Variants in EBF1 observed in about 807,000 individuals in gnomAD.
EBF1 encodes the protein EBF transcription factor 1, also known as transcription factor COE1.
Under a neutral mutation model 68.4 loss-of-function variants are expected in EBF1, and 10 were observed. The ratio of observed to expected loss-of-function variants is 0.15; its 90% confidence interval spans 0.09 to 0.25. The LOEUF is 0.25. EBF1 is among the 10% of genes least tolerant of loss of function. The probability of loss-of-function intolerance (pLI) is 1.00; values close to 1 mark genes in which losing one functional copy is unlikely to be tolerated. For synonymous variants in EBF1, 298 were observed against 299.8 expected, an observed-to-expected ratio of 0.99 and a Z score of 0.06; for missense variants, 509 against 794.4, an observed-to-expected ratio of 0.64 and a Z score of 4.32.
chr5:158,924,166 A>G (rs1481907926), intron 6 of EBF1, among the ~76,000 whole-genome samples: 2 of 152,226 alleles, frequency 1.3e-5, no homozygotes, highest in Non-Finnish European at 2.9e-5. Flanking sequence ...GCTCTGCCCC[A>G]TGATGGGTAA....
At chr5:158,791,520 A>G (rs1778600932) in intron 9 of EBF1, among the ~76,000 whole-genome samples, 1 of 151,934 alleles carries the variant, frequency 6.6e-6, no homozygotes, top group African/African-American at 2.4e-5. Flanking sequence ...ACCCCATGCA[A>G]TCTCAACCCT....
At position 158,712,979 on chromosome 5, in the gene EBF1, T is replaced by C; in HGVS notation, c.1360A>G (p.Thr454Ala). ...AAAGCAAGCTTCTGACCCTGATTGG[T>C]GGCTTGTGATGCCTCGGAGACATTC... is the stretch of plus-strand genomic sequence containing the variant. Reference protein sequence around the residue: ...AVNVSEASQATNQGFTRNSSS... With the variant: ...AVNVSEASQAANQGFTRNSSS... The change falls in exon 13 of 16, where the codon ACC becomes GCC. Residue 454 changes from threonine (T) to alanine (A), a missense_variant. Thr to Ala is a moderately conservative substitution (Grantham distance 58). Transcript: ENST00000313708. 1 of 1,486,834 alleles carries C rather than the reference T, an allele frequency of 6.7e-7. No homozygotes were observed. The highest frequency in any genetic ancestry group is 9.0e-7 in the Non-Finnish European group (1 of 1,108,512). 92.1% of individuals were successfully genotyped at this position (1,486,834 alleles called of 1,614,324 possible).
At chr5:158,752,385 T>C (rs567798568) in intron 10 of EBF1, among the ~76,000 whole-genome samples, 2 of 149,720 alleles carry the variant, frequency 1.3e-5, no homozygotes, top group Non-Finnish European at 3.0e-5. Flanking sequence ...GATCCATTTC[T>C]TAGGAAATCT....
In EBF1 at chr5:158,698,155, T is replaced by C. The variant is rs549488450; in HGVS notation, c.*956A>G. Reference sequence around the variant, plus strand: ...CATTTAGGACGAGTAAACTTTAAACTTGCAAATGGGGGAGCGTACGTGAGG... The same window carrying C: ...CATTTAGGACGAGTAAACTTTAAACCTGCAAATGGGGGAGCGTACGTGAGG... On this transcript the variant is annotated 3_prime_UTR_variant, in exon 16 of 16. Transcript: ENST00000313708. The C allele has an allele frequency of 4.5e-6, 1 of 220,618 alleles. No homozygotes were observed. The highest frequency in any genetic ancestry group is 2.2e-5 in the African/African-American group (1 of 44,624). The allele number at this position is 220,618 out of a possible 1,614,324, so 13.7% of individuals were successfully genotyped here.
At chr5:158,888,297 G>A (rs1308274795) in intron 6 of EBF1, among the ~76,000 whole-genome samples, 1 of 151,988 alleles carries the variant, frequency 6.6e-6, no homozygotes. Context: ...TTTGTTGTGT[G>A]TATATTGTGG....
intron 5 of EBF1, 180 bp from the exon 6 acceptor site, chr5:159,073,644 A>AG (rs1053552543): frequency 1.6e-5 from 10 of 613,156 alleles, no homozygotes; most frequent in Middle Eastern, 6.9e-4. Context: ...GTTAATGGCC[A>AG]GGCTTAACCT....
intron 6 of EBF1, among the ~76,000 whole-genome samples, chr5:158,931,146 C>G (rs1462813018): frequency 2.0e-5 from 3 of 152,230 alleles, no homozygotes; most frequent in Non-Finnish European, 2.9e-5. Context: ...AATTATTTCC[C>G]ACTAAGCTGC....
At chr5:158,810,828 G>A (rs987376993) in intron 8 of EBF1, among the ~76,000 whole-genome samples, 8 of 151,998 alleles carry the variant, frequency 5.3e-5, no homozygotes, top group African/African-American at 1.7e-4. Flanking sequence ...TTTGTGTTTC[G>A]CTTTTCTTAT....
intron 10 of EBF1, among the ~76,000 whole-genome samples, chr5:158,776,695 A>C (rs1775342505): frequency 6.6e-6 from 1 of 152,168 alleles, no homozygotes; most frequent in South Asian, 2.1e-4. Context: ...TGCTTAAGAA[A>C]CAGGATCTCA....
At chr5:158,892,524 A>C (rs961835142) in intron 6 of EBF1, among the ~76,000 whole-genome samples, 10 of 152,176 alleles carry the variant, frequency 6.6e-5, no homozygotes, top group Admixed American at 3.3e-4. Flanking sequence ...ATATGAGCTT[A>C]AGTGCCAACA....
At position 158,709,055 on chromosome 5, in the gene EBF1, C is replaced by T. The variant is rs574495845; in HGVS notation, c.1550-882G>A. On this transcript the variant is annotated intron_variant, in intron 14 of 15. Coordinates refer to ENST00000313708, the MANE Select transcript of EBF1 (RefSeq NM_024007.5). ...GACCATGATCCTCTTGGCCTGGCCT[C>T]TCATCTTTTGTTCCAGGTTAATAAT... Among the ~76,000 whole-genome samples, 15 of 152,260 alleles carry T rather than the reference C, an allele frequency of 9.9e-5. No homozygotes were observed. In the South Asian group the frequency reaches 2.7e-3, roughly 27 times the overall value.
rs144663267 is a variant in EBF1 at position 158,823,286 on chromosome 5, C to T, written c.668G>A (p.Gly223Asp). The change falls in exon 8 of 16, where the codon GGC becomes GAC. Residue 223 changes from glycine to aspartate, a missense_variant. Transcript: ENST00000313708. Reference protein sequence around the residue: ...VVVSTTVNVDGHVLAVSDNMF... With the variant: ...VVVSTTVNVDDHVLAVSDNMF... ...GTTATCAGAGACTGCCAGGACATGG[C>T]CATCCACATTGACTGTCGTAGACAC... The T allele has an allele frequency of 6.8e-5, 110 of 1,613,646 alleles. No individual in the cohort carries two copies. Among genetic ancestry groups the T allele is most frequent in the Non-Finnish European group, 9.0e-5 (106 of 1,179,826 alleles).
intron 6 of EBF1, among the ~76,000 whole-genome samples, chr5:158,929,845 G>T (rs557913797): frequency 2.0e-5 from 3 of 152,312 alleles, no homozygotes; most frequent in South Asian, 2.1e-4. Flanking sequence ...CAGGAAAAAG[G>T]TACATAATTC....
Position 158,712,115 on chromosome 5 carries a change from C to T in EBF1, c.1549+39G>A, listed in dbSNP as rs376453765. The T allele has an allele frequency of 4.6e-5, 74 of 1,605,792 alleles. No homozygotes were observed. The Middle Eastern group carries it at 5.3e-4, about 11-fold the overall frequency. On this transcript the variant is annotated intron_variant, in intron 14 of 15. Coordinates refer to ENST00000313708, the MANE Select transcript of EBF1 (RefSeq NM_024007.5). ...ATGGCATGATGCCAAGTTCTTCTAG[C>T]GAAACGTGCAGGAACGCAGGATATG...
Position 158,915,643 on chromosome 5 carries a change from G to A in EBF1, c.555-75533C>T, listed in dbSNP as rs1198674476. Among the ~76,000 whole-genome samples, 7 of 152,284 alleles carry A rather than the reference G, an allele frequency of 4.6e-5. No homozygotes were observed. In the East Asian group the frequency reaches 1.3e-3, roughly 29 times the overall value. On this transcript the variant is annotated intron_variant, in intron 6 of 15. Transcript: ENST00000313708. ...GGCACAAACAGTAAGGAGATCTGTG[G>A]CCCTTAAAGAAACAGATGCCTGTTG... is the stretch of plus-strand genomic sequence containing the variant.
intron 10 of EBF1, among the ~76,000 whole-genome samples, chr5:158,775,233 A>C (rs1453010274): frequency 6.6e-6 from 1 of 152,044 alleles, no homozygotes; most frequent in East Asian, 1.9e-4. Context: ...TGTTTAAAAA[A>C]ACTCCAAATA....
intron 9 of EBF1, among the ~76,000 whole-genome samples, chr5:158,782,163 T>C (rs1776569092): frequency 6.6e-6 from 1 of 152,198 alleles, no homozygotes; most frequent in Admixed American, 6.5e-5. Flanking sequence ...AATCATACGT[T>C]CCCTCTTCCA....
intron 11 of EBF1, among the ~76,000 whole-genome samples, chr5:158,729,945 G>T (rs986596556): frequency 7.9e-5 from 12 of 152,212 alleles, no homozygotes; most frequent in Non-Finnish European, 1.6e-4. Flanking sequence ...GTTCTGACAG[G>T]TGGCCCTGCC....
intron 6 of EBF1, among the ~76,000 whole-genome samples, chr5:158,936,823 G>A (rs188112947): frequency 1.4e-4 from 21 of 152,256 alleles, no homozygotes; most frequent in African/African-American, 4.8e-4. Flanking sequence ...GAGTAGGCAC[G>A]AGATAAATGT....
Sources: gnomAD v4.1 joint callset for allele counts (sites outside exome capture counted in the v4.1 genomes callset) on GRCh38, gnomAD v4.1.1 for gene constraint, MANE v1.5 for transcripts, NCBI Gene and HGNC (gene_info 2026-07-23, HGNC 2026-07-21) for gene names.